The following SYNDIG1 variants were observed in gnomAD, a reference collection of about 807,000 sequenced individuals.
SYNDIG1 encodes the protein synapse differentiation inducing 1, also known as synapse differentiation-inducing gene protein 1.
In SYNDIG1, 9 loss-of-function variants were observed where a neutral mutation model predicts 19.4. The observed-to-expected ratio is 0.46, with a 90% CI of 0.28 to 0.81. The LOEUF is 0.81. Among genes scored for constraint, SYNDIG1 ranks in the 30% least tolerant of loss-of-function variants. The probability of loss-of-function intolerance (pLI) is 0.12; values close to 1 mark genes in which losing one functional copy is unlikely to be tolerated. For synonymous variants in SYNDIG1, 141 were observed against 145.9 expected (o/e 0.97, Z 0.24); for missense variants, 311 against 343.3 (o/e 0.91, Z 0.74).
At chr20:24,509,467 C>T (rs964307088) in intron 1 of SYNDIG1, among the ~76,000 whole-genome samples, 5 of 152,220 alleles carry the variant, frequency 3.3e-5, no homozygotes, top group African/African-American at 1.2e-4. Context: ...TCAGTTCCTT[C>T]TAACTTTTGT....
chr20:24,518,258 A>G (rs1266009651), intron 1 of SYNDIG1, among the ~76,000 whole-genome samples: 2 of 152,062 alleles, frequency 1.3e-5, no homozygotes, highest in Non-Finnish European at 2.9e-5. Context: ...CCTGTGCTAA[A>G]TAATATTCTC....
chr20:24,542,141 C>T (rs2057480857), intron 1 of SYNDIG1, among the ~76,000 whole-genome samples: 1 of 151,962 alleles, frequency 6.6e-6, no homozygotes, highest in Non-Finnish European at 1.5e-5. Flanking sequence ...CATACTTAGT[C>T]ATAATTTATG....
chr20:24,591,079 CGTGTGTGTGTGT>C lies in SYNDIG1; in HGVS notation c.618+6104_618+6115del, dbSNP rs55725848. On this transcript the variant is annotated intron_variant, in intron 3 of 3. Transcript: ENST00000376862. The stretch of plus-strand genomic sequence containing the variant: ...ACTCATTGAGCTTTATTTACACCTT[CGTGTGTGTGTGT>C]GTGTGTGTGTGTGTGTGCACTTTTC... 3.4e-5 allele frequency among the ~76,000 whole-genome samples: 5 copies of C among 149,196 alleles called. No individual in the cohort carries two copies. In the East Asian group the frequency reaches 9.9e-4, roughly 30 times the overall value.
At chr20:24,555,262 G>T (rs1310723960) in intron 2 of SYNDIG1, among the ~76,000 whole-genome samples, 4 of 152,104 alleles carry the variant, frequency 2.6e-5, no homozygotes, top group Non-Finnish European at 4.4e-5. Flanking sequence ...ACCAGCTCTG[G>T]ATTCATTAAT....
intron 2 of SYNDIG1, among the ~76,000 whole-genome samples, chr20:24,579,054 T>C (rs1224210769): frequency 6.6e-6 from 1 of 152,204 alleles, no homozygotes; most frequent in Non-Finnish European, 1.5e-5. Context: ...ATAAATGTTA[T>C]AGATTAAACA....
chr20:24,475,023 C>G (rs1485971248), intron 1 of SYNDIG1, among the ~76,000 whole-genome samples: 2 of 152,216 alleles, frequency 1.3e-5, no homozygotes, highest in Non-Finnish European at 2.9e-5. Context: ...GAACCACCCC[C>G]CATGCCCCCA....
Position 24,584,711 on chromosome 20 carries a change from G to C in SYNDIG1, c.481-145G>C. ...GAGGCTGTGTACTTGCAGCAATAAC[G>C]ATGACTCGAACAACGTCAGCAACTG... On this transcript the variant is annotated intron_variant, in intron 2 of 3. Coordinates refer to ENST00000376862, the MANE Select transcript of SYNDIG1 (RefSeq NM_024893.3). 2.7e-6 allele frequency: 3 copies of C among 1,100,020 alleles called. No homozygotes were observed. In the Admixed American group the frequency reaches 6.2e-5, roughly 23 times the overall value. 68.1% of individuals were successfully genotyped at this position (1,100,020 alleles called of 1,614,324 possible).
chr20:24,625,098 G>T (rs1458521255), intron 3 of SYNDIG1, among the ~76,000 whole-genome samples: 1 of 151,998 alleles, frequency 6.6e-6, no homozygotes, highest in Admixed American at 6.5e-5. Context: ...AAAAATGAAA[G>T]ATTCAATATG....
chr20:24,572,815 G>A (rs552393590), intron 2 of SYNDIG1, among the ~76,000 whole-genome samples: 9 of 152,328 alleles, frequency 5.9e-5, no homozygotes, highest in Non-Finnish European at 1.0e-4. Flanking sequence ...ACAACTGATA[G>A]TGCAGTGGTT....
intron 3 of SYNDIG1, among the ~76,000 whole-genome samples, chr20:24,630,393 G>A (rs1412762155): frequency 1.3e-5 from 2 of 152,178 alleles, no homozygotes; most frequent in Non-Finnish European, 2.9e-5. Flanking sequence ...ACATAAACAT[G>A]TATTTCCCTC....
At chr20:24,613,190 G>C (rs1316023838) in intron 3 of SYNDIG1, among the ~76,000 whole-genome samples, 2 of 152,150 alleles carry the variant, frequency 1.3e-5, no homozygotes, top group African/African-American at 4.8e-5. Context: ...AAAGCATCCT[G>C]GTGACGGCCA....
At chr20:24,629,258 T>C (rs904287252) in intron 3 of SYNDIG1, among the ~76,000 whole-genome samples, 6 of 152,126 alleles carry the variant, frequency 3.9e-5, no homozygotes, top group Admixed American at 1.3e-4. Context: ...TGAAGTGGCC[T>C]CCCAACAGTG....
At chr20:24,591,258 G>A (rs1245389212) in intron 3 of SYNDIG1, among the ~76,000 whole-genome samples, 1 of 152,108 alleles carries the variant, frequency 6.6e-6, no homozygotes, top group African/African-American at 2.4e-5. Flanking sequence ...GCTGAGCGTG[G>A]TGGCTCATGC....
intron 1 of SYNDIG1, among the ~76,000 whole-genome samples, chr20:24,540,422 TA>T (rs1348162463): frequency 6.6e-6 from 1 of 152,192 alleles, no homozygotes; most frequent in African/African-American, 2.4e-5. Context: ...CAGTGTTCAA[TA>T]AAAGTGGGAA....
chr20:24,653,024 C>T (rs971085436), intron 3 of SYNDIG1, among the ~76,000 whole-genome samples: 1 of 152,196 alleles, frequency 6.6e-6, no homozygotes, highest in African/African-American at 2.4e-5. Context: ...GTCTCAGAGT[C>T]ACCTCTGGAC....
intron 1 of SYNDIG1, among the ~76,000 whole-genome samples, chr20:24,496,215 G>A (rs890521763): frequency 9.9e-5 from 15 of 152,112 alleles, no homozygotes; most frequent in African/African-American, 2.7e-4. Context: ...CCCATCCTTC[G>A]CTTTTCCCCG....
chr20:24,576,056 C>T lies in SYNDIG1; in HGVS notation c.481-8800C>T, dbSNP rs529133608. On this transcript the variant is annotated intron_variant, in intron 2 of 3. Coordinates refer to ENST00000376862, the MANE Select transcript of SYNDIG1 (RefSeq NM_024893.3). ...CCTCTCCTTCAGTGACACATGGCATCGCCACCCACATTGTCTTGTGCTCTG... is the reference window on the plus strand; with the variant it reads ...CCTCTCCTTCAGTGACACATGGCATTGCCACCCACATTGTCTTGTGCTCTG... Among the ~76,000 whole-genome samples, 9 of 152,254 alleles carry T rather than the reference C, an allele frequency of 5.9e-5. No individual in the cohort carries two copies. In the East Asian group the frequency reaches 1.2e-3, roughly 20 times the overall value.
chr20:24,548,841 C>T (rs1181150947), intron 2 of SYNDIG1, among the ~76,000 whole-genome samples: 1 of 152,080 alleles, frequency 6.6e-6, no homozygotes, highest in East Asian at 1.9e-4. Context: ...TTTTGTAGTT[C>T]TTTGTAGACA....
chr20:24,574,645 T>A (rs2058198316), intron 2 of SYNDIG1, among the ~76,000 whole-genome samples: 1 of 152,188 alleles, frequency 6.6e-6, no homozygotes, highest in African/African-American at 2.4e-5. Context: ...CTCTAACCAT[T>A]GGATTAAATG....
Sources: gnomAD v4.1 joint callset for allele counts (sites outside exome capture counted in the v4.1 genomes callset) on GRCh38, gnomAD v4.1.1 for gene constraint, MANE v1.5 for transcripts, NCBI Gene and HGNC (gene_info 2026-07-23, HGNC 2026-07-21) for gene names.